The following MOXD1 variants were observed in gnomAD, a reference collection of about 807,000 sequenced individuals.
MOXD1 encodes DBH-like monooxygenase protein 1.
MOXD1 carries 62 observed loss-of-function variants against 66.6 expected under a neutral mutation model. The observed-to-expected ratio is 0.93, with a 90% confidence interval of 0.76 to 1.15. The LOEUF (loss-of-function observed/expected upper bound fraction) is 1.15, where lower values mean the gene tolerates loss of function less well. Among genes scored for constraint, MOXD1 ranks in the 50% most tolerant of loss-of-function variants. The probability of loss-of-function intolerance (pLI) is 0.00; values close to 1 mark genes in which losing one functional copy is unlikely to be tolerated. For synonymous variants in MOXD1, 303 were observed against 281.9 expected, an observed-to-expected ratio of 1.07 and a Z score of -0.75; for missense variants, 847 against 754.6, an observed-to-expected ratio of 1.12 and a Z score of -1.44.
At chr6:132,382,293 TG>T (rs1201096797) in intron 1 of MOXD1, among the ~76,000 whole-genome samples, 6 of 152,232 alleles carry the variant, frequency 3.9e-5, no homozygotes, top group Non-Finnish European at 8.8e-5. Flanking sequence ...AAAAAGTAGA[TG>T]TTTTTTAAAA....
chr6:132,390,249 T>C (rs2114692055), intron 1 of MOXD1, among the ~76,000 whole-genome samples: 1 of 151,714 alleles, frequency 6.6e-6, no homozygotes, highest in South Asian at 2.1e-4. Context: ...ATTCAAGGTC[T>C]ACTGAGTTCT....
intron 4 of MOXD1, among the ~76,000 whole-genome samples, chr6:132,339,971 G>A (rs920079338): frequency 5.3e-5 from 8 of 149,806 alleles, no homozygotes; most frequent in Middle Eastern, 3.5e-3. Context: ...CCCGGTTCAA[G>A]TAATTCTCCT....
chr6:132,398,677 C>T (rs1175025485), intron 1 of MOXD1, among the ~76,000 whole-genome samples: 3 of 152,054 alleles, frequency 2.0e-5, no homozygotes, highest in Admixed American at 6.5e-5. Flanking sequence ...TGGTGGCTCA[C>T]GCCTGTAATC....
At chr6:132,334,061 G>A (rs140841623) in intron 4 of MOXD1, among the ~76,000 whole-genome samples, 3 of 152,246 alleles carry the variant, frequency 2.0e-5, no homozygotes, top group East Asian at 1.9e-4. Flanking sequence ...CCTTGACAAC[G>A]ACCGTTTTTC....
At chr6:132,298,355 T>A (rs1177244805) in intron 10 of MOXD1, among the ~76,000 whole-genome samples, 1 of 152,104 alleles carries the variant, frequency 6.6e-6, no homozygotes, top group East Asian at 1.9e-4. Flanking sequence ...TCAGAAAGCT[T>A]CTACAGAGTC....
intron 4 of MOXD1, among the ~76,000 whole-genome samples, chr6:132,342,193 G>T (rs1033533943): frequency 6.6e-6 from 1 of 152,072 alleles, no homozygotes; most frequent in Non-Finnish European, 1.5e-5. Context: ...GTAGAGATGG[G>T]GTTTCACCAT....
rs1487606644 is a variant in MOXD1 at position 132,303,833 on chromosome 6, GTGTATATATATATATA to G, written c.1509-5894_1509-5879del. Among the ~76,000 whole-genome samples, 5 of 59,986 alleles carry G rather than the reference GTGTATATATATATATA, an allele frequency of 8.3e-5. No homozygotes were observed. The East Asian group carries it at 1.3e-3, about 16-fold the overall frequency. 39.4% of individuals were successfully genotyped at this position (59,986 alleles called of 152,430 possible). A position where few individuals can be genotyped will look rare whatever the true frequency, so the allele number is the denominator to read the frequency against. Reference sequence around the variant, plus strand: ...TGTGTGTGTGTGTGTGTGTGTGTGTGTGTATATATATATATATATATATATATATATATATATATAT... The same window carrying G: ...TGTGTGTGTGTGTGTGTGTGTGTGTGTATATATATATATATATATATATAT... On this transcript the variant is annotated intron_variant, in intron 10 of 11. Transcript: ENST00000367963.
At chr6:132,303,471 C>T (rs1267685738) in intron 10 of MOXD1, among the ~76,000 whole-genome samples, 2 of 151,930 alleles carry the variant, frequency 1.3e-5, no homozygotes, top group Non-Finnish European at 2.9e-5. Flanking sequence ...ATAACTTATG[C>T]ACATGCTCCT....
chr6:132,351,724 T>C (rs1452460143), intron 4 of MOXD1, among the ~76,000 whole-genome samples: 1 of 152,120 alleles, frequency 6.6e-6, no homozygotes, highest in Non-Finnish European at 1.5e-5. Context: ...TGGTACCAAT[T>C]CTTCTTTGAA....
At chr6:132,398,608 T>C (rs1776949609) in intron 1 of MOXD1, among the ~76,000 whole-genome samples, 1 of 152,132 alleles carries the variant, frequency 6.6e-6, no homozygotes. Context: ...ACACAAAACA[T>C]GAAGTCTACT....
chr6:132,322,942 A>G, intron 7 of MOXD1, 72 bp from the exon 8 acceptor site: 1 of 1,279,484 alleles, frequency 7.8e-7, no homozygotes, highest in Non-Finnish European at 1.1e-6. Context: ...ATTCAAACAC[A>G]CTTGGAGGGA....
At chr6:132,321,824 G>T (rs1252025472) in intron 8 of MOXD1, among the ~76,000 whole-genome samples, 1 of 152,132 alleles carries the variant, frequency 6.6e-6, no homozygotes, top group Non-Finnish European at 1.5e-5. Context: ...ATGTATCAAA[G>T]AATTTCTAAG....
Position 132,392,416 on chromosome 6 carries a change from C to T in MOXD1, c.264+8747G>A, listed in dbSNP as rs1056031811. 15 of 1,397,036 alleles carry T rather than the reference C, an allele frequency of 1.1e-5. No homozygotes were observed. The African/African-American group carries it at 1.9e-4, about 18-fold the overall frequency. 86.5% of individuals were successfully genotyped at this position (1,397,036 alleles called of 1,614,324 possible). Reference sequence around the variant, plus strand: ...CAGGCATATTCAACAACGTTGCTCTCTTCTCTAATTCACACAAACTCAGCA... The same window carrying T: ...CAGGCATATTCAACAACGTTGCTCTTTTCTCTAATTCACACAAACTCAGCA... On this transcript the variant is annotated intron_variant, in intron 1 of 11. Coordinates refer to ENST00000367963, the MANE Select transcript of MOXD1 (RefSeq NM_015529.4).
chr6:132,333,905 G>GA (rs1228358400), intron 4 of MOXD1, among the ~76,000 whole-genome samples: 2 of 152,164 alleles, frequency 1.3e-5, no homozygotes, highest in African/African-American at 4.8e-5. Flanking sequence ...CCTGAAAGAG[G>GA]AAAACAGTCT....
At chr6:132,374,838 A>G in intron 1 of MOXD1, 61 bp from the exon 2 acceptor site, 5 of 1,471,046 alleles carry the variant, frequency 3.4e-6, no homozygotes, top group Non-Finnish European at 4.7e-6. Flanking sequence ...AAGAATTCAT[A>G]GGACCTTTAA....
chr6:132,389,961 C>G (rs999709965), intron 1 of MOXD1, among the ~76,000 whole-genome samples: 1 of 151,516 alleles, frequency 6.6e-6, no homozygotes, highest in African/African-American at 2.4e-5. Flanking sequence ...CTCAGGCATA[C>G]ATTTTTGTTG....
chr6:132,358,085 A>G (rs1180680135), intron 4 of MOXD1, among the ~76,000 whole-genome samples: 1 of 152,208 alleles, frequency 6.6e-6, no homozygotes, highest in African/African-American at 2.4e-5. Flanking sequence ...CATTTTGCCA[A>G]TGGGAAAACG....
chr6:132,298,261 C>A (rs1485671330), intron 10 of MOXD1, among the ~76,000 whole-genome samples: 1 of 152,228 alleles, frequency 6.6e-6, no homozygotes, highest in Non-Finnish European at 1.5e-5. Flanking sequence ...GCGCAAGCAA[C>A]CCTCCCACCT....
chr6:132,301,055 T>C (rs1364966372), intron 10 of MOXD1, among the ~76,000 whole-genome samples: 1 of 152,110 alleles, frequency 6.6e-6, no homozygotes, highest in Non-Finnish European at 1.5e-5. Context: ...CAGGTAACCT[T>C]AAAGTAGCAA....
Sources: allele counts gnomAD v4.1 joint callset (sites outside exome capture counted in the v4.1 genomes callset), GRCh38; gene constraint gnomAD v4.1.1; transcripts MANE v1.5; gene names NCBI Gene and HGNC (gene_info 2026-07-23, HGNC 2026-07-21).